ENTPD1: variants seen among roughly 807,000 people sequenced by gnomAD.
ENTPD1 encodes ectonucleoside triphosphate diphosphohydrolase 1, also known as ATP diphosphohydrolase.
Under a neutral mutation model 57.0 loss-of-function variants are expected in ENTPD1, and 33 were observed. That is an observed-to-expected ratio of 0.58 (90% CI 0.44 to 0.77). The LOEUF is 0.77. ENTPD1 is among the 30% of genes least tolerant of loss of function. ENTPD1 has a pLI of 0.00. For synonymous variants in ENTPD1, 202 were observed against 218.8 expected (o/e 0.92, Z 0.68); for missense variants, 501 against 603.4 (o/e 0.83, Z 1.78).
chr10:95,855,977 T>C (rs1333400149), intron 7 of ENTPD1, among the ~76,000 whole-genome samples: 2 of 152,220 alleles, frequency 1.3e-5, no homozygotes, highest in African/African-American at 4.8e-5. Flanking sequence ...AATTTGAATG[T>C]TGGCTTGCCT....
intron 9 of ENTPD1, among the ~76,000 whole-genome samples, chr10:95,865,294 G>A (rs760665081): frequency 1.3e-5 from 2 of 152,220 alleles, no homozygotes; most frequent in Non-Finnish European, 2.9e-5. Context: ...TGAAAGCTCT[G>A]TGTGAAGAAG....
intron 1 of ENTPD1, among the ~76,000 whole-genome samples, chr10:95,762,390 GTTTT>G (rs5787157): frequency 7.4e-6 from 1 of 134,650 alleles, no homozygotes. Context: ...TTTCCTGGCA[GTTTT>G]TTTTTTTTTT....
At chr10:95,807,510 C>CT (rs1174473774) in intron 1 of ENTPD1, among the ~76,000 whole-genome samples, 3 of 152,230 alleles carry the variant, frequency 2.0e-5, no homozygotes, top group African/African-American at 7.2e-5. Context: ...CCTCTGTGGG[C>CT]TGCACCCGTT....
At chr10:95,702,464 T>C in the ENTPD1 span, among the ~76,000 whole-genome samples, 3 of 151,606 alleles carry the variant, frequency 2.0e-5, no homozygotes, top group African/African-American at 7.3e-5. Context: ...CATGGGAAAA[T>C]GTGTTGAAAA....
chr10:95,786,566 G>A (rs2098180849), intron 1 of ENTPD1, among the ~76,000 whole-genome samples: 1 of 152,192 alleles, frequency 6.6e-6, no homozygotes, highest in South Asian at 2.1e-4. Flanking sequence ...AGGCAGCTCA[G>A]GACTGGTTCC....
chr10:95,706,173 T>C, the ENTPD1 span, among the ~76,000 whole-genome samples: 1 of 152,212 alleles, frequency 6.6e-6, no homozygotes, highest in South Asian at 2.1e-4. Flanking sequence ...TTAATTCATT[T>C]ATATAAAATT....
At chr10:95,756,308 A>G in intron 1 of ENTPD1, 53 bp downstream of exon 1, 2 of 1,535,434 alleles carry the variant, frequency 1.3e-6, no homozygotes, top group East Asian at 4.9e-5. Context: ...AAATAGAAGG[A>G]AAAATAAAAG....
rs529637828 is a variant in ENTPD1 at position 95,774,968 on chromosome 10, GA to G, written c.16+18715del. 2.5e-3 allele frequency among the ~76,000 whole-genome samples: 376 copies of G among 152,276 alleles called. 3 individuals carry two copies. The highest frequency in any genetic ancestry group is 8.4e-3 in the African/African-American group (347 of 41,554). ...TTGATTCTTCCTATCCATGAGCATG[GA>G]ATGTTCTTCCATTTGTTTGTGTCCT... is the stretch of plus-strand genomic sequence containing the variant. On this transcript the variant is annotated intron_variant, in intron 1 of 9. Coordinates refer to ENST00000371205, the MANE Select transcript of ENTPD1 (RefSeq NM_001776.6).
chr10:95,712,390 C>T lies in ENTPD1; in HGVS notation c.37+397C>T, dbSNP rs148087278. ...CAAAATAAAAACCAGATGAAGTTCT[C>T]CTATTGTCTTATTTCATGTCCGTAT... On this transcript the variant is annotated intron_variant, in intron 1 of 9. Transcript: ENST00000453258. Among the ~76,000 whole-genome samples the T allele has an allele frequency of 3.4e-4, 52 of 152,274 alleles. 1 individual carries two copies. The East Asian group carries it at 9.5e-3, about 28-fold the overall frequency.
chr10:95,816,394 C>T (rs2098330161), intron 1 of ENTPD1, among the ~76,000 whole-genome samples: 1 of 152,090 alleles, frequency 6.6e-6, no homozygotes, highest in Admixed American at 6.5e-5. Context: ...TGTAAACTAA[C>T]AATAATGATA....
At chr10:95,775,224 T>G (rs1250603517) in intron 1 of ENTPD1, among the ~76,000 whole-genome samples, 1 of 152,264 alleles carries the variant, frequency 6.6e-6, no homozygotes, top group Non-Finnish European at 1.5e-5. Context: ...AAGGAGATTT[T>G]GGGCTGAGAC....
intron 1 of ENTPD1, among the ~76,000 whole-genome samples, chr10:95,784,564 T>C (rs1213860702): frequency 6.6e-6 from 1 of 152,160 alleles, no homozygotes; most frequent in Non-Finnish European, 1.5e-5. Context: ...AAGTAGCAGT[T>C]CCAGAGACCA....
chr10:95,734,361 C>A (rs980713670), intron 1 of ENTPD1, among the ~76,000 whole-genome samples: 3 of 152,078 alleles, frequency 2.0e-5, no homozygotes, highest in Non-Finnish European at 2.9e-5. Flanking sequence ...TTTTTGGACA[C>A]CTATATGTGG....
In ENTPD1 at chr10:95,872,318, C is replaced by G; in HGVS notation, c.*5935C>G. 1 of 985,392 alleles carries G rather than the reference C, an allele frequency of 1.0e-6. No homozygotes were observed. The allele number at this position is 985,392 out of a possible 1,614,324, so 61.0% of individuals were successfully genotyped here. On this transcript the variant is annotated 3_prime_UTR_variant, in exon 10 of 10. Transcript: ENST00000371205. ...TCAGACATTCAAGGCTTTCAATGAT[C>G]CATGGCCGCCAGCTCTCTCCAGGCT...
intron 7 of ENTPD1, among the ~76,000 whole-genome samples, chr10:95,851,879 G>A (rs1425986500): frequency 4.0e-5 from 6 of 151,898 alleles, no homozygotes; most frequent in South Asian, 4.1e-4. Context: ...GAATAGTGCC[G>A]CAGTAAACAT....
At chr10:95,799,616 A>G (rs1451107023) in intron 1 of ENTPD1, among the ~76,000 whole-genome samples, 1 of 152,096 alleles carries the variant, frequency 6.6e-6, no homozygotes, top group Non-Finnish European at 1.5e-5. Flanking sequence ...ATGTGTCTTT[A>G]TGATAGAATG....
chr10:95,768,695 C>G (rs191231479), intron 1 of ENTPD1, among the ~76,000 whole-genome samples: 107 of 152,186 alleles, frequency 7.0e-4, no homozygotes, highest in Admixed American at 1.6e-3. Flanking sequence ...TTTATTTTAG[C>G]TTGTTTATGG....
In ENTPD1 at chr10:95,868,776, C is replaced by A. The variant is rs1486074385; in HGVS notation, c.*2393C>A. 1 of 985,254 alleles carries A rather than the reference C, an allele frequency of 1.0e-6. No individual in the cohort carries two copies. Among genetic ancestry groups the A allele is most frequent in the Non-Finnish European group, 1.2e-6 (1 of 829,928 alleles). The allele number at this position is 985,254 out of a possible 1,614,324, so 61.0% of individuals were successfully genotyped here. A position where few individuals can be genotyped will look rare whatever the true frequency, so the allele number is the denominator to read the frequency against. The stretch of plus-strand genomic sequence containing the variant: ...CTCAGCAAGTTGGAATTAGACTTCA[C>A]AAGTCTCCTTCAGAGAACACAAATC... On this transcript the variant is annotated 3_prime_UTR_variant, in exon 10 of 10. Coordinates refer to ENST00000371205, the MANE Select transcript of ENTPD1 (RefSeq NM_001776.6).
chr10:95,775,323 T>G (rs2098129928), intron 1 of ENTPD1, among the ~76,000 whole-genome samples: 1 of 152,216 alleles, frequency 6.6e-6, no homozygotes, highest in African/African-American at 2.4e-5. Context: ...CTTTATTTCT[T>G]TCTCTTGCCT....
Sources: gnomAD v4.1 joint callset for allele counts (sites outside exome capture counted in the v4.1 genomes callset) on GRCh38, gnomAD v4.1.1 for gene constraint, MANE v1.5 for transcripts, NCBI Gene and HGNC (gene_info 2026-07-23, HGNC 2026-07-21) for gene names.